The following RNF220 variants were observed in gnomAD, a reference collection of about 807,000 sequenced individuals.
RNF220 encodes ring finger protein 220, also known as E3 ubiquitin-protein ligase RNF220.
RNF220 carries 7 observed loss-of-function variants against 67.1 expected under a neutral mutation model. The ratio of observed to expected loss-of-function variants is 0.10; its 90% CI spans 0.06 to 0.20. RNF220 has a LOEUF of 0.20. Ranked by LOEUF, RNF220 falls within the 10% of genes least tolerant of loss-of-function variation. The pLI, the probability that RNF220 is intolerant of heterozygous loss-of-function variation, is 1.00. For synonymous variants in RNF220, 270 were observed against 283.2 expected (o/e 0.95, Z 0.47); for missense variants, 565 against 740.3 (o/e 0.76, Z 2.75).
chr1:44,583,679 A>G (rs374271509), intron 2 of RNF220, among the ~76,000 whole-genome samples: 3 of 152,366 alleles, frequency 2.0e-5, no homozygotes, highest in African/African-American at 7.2e-5. Flanking sequence ...ACTGGCTTAG[A>G]CTAGAGAGGC....
At chr1:44,563,695 A>G (rs1004945777) in intron 2 of RNF220, among the ~76,000 whole-genome samples, 2 of 152,210 alleles carry the variant, frequency 1.3e-5, no homozygotes, top group Non-Finnish European at 2.9e-5. Flanking sequence ...CTGTTTCACC[A>G]TCTACAAAAT....
At chr1:44,450,624 C>G (rs191808701) in intron 2 of RNF220, among the ~76,000 whole-genome samples, 169 of 152,202 alleles carry the variant, frequency 1.1e-3, no homozygotes, top group South Asian at 6.6e-3. Flanking sequence ...TCAATTTTTC[C>G]ATGTCAGTAC....
intron 2 of RNF220, among the ~76,000 whole-genome samples, chr1:44,489,720 G>A (rs543912143): frequency 6.6e-6 from 1 of 152,246 alleles, no homozygotes; most frequent in Non-Finnish European, 1.5e-5. Context: ...AATCATTGAG[G>A]CCAGGGAGAA....
rs1226138812 is a variant in RNF220 at position 44,649,795 on chromosome 1, C to T, written c.1554+26C>T. 8.1e-6 allele frequency: 13 copies of T among 1,613,440 alleles called. No individual in the cohort carries two copies. Among genetic ancestry groups the T allele is most frequent in the Non-Finnish European group, 1.0e-5 (12 of 1,179,470 alleles). On this transcript the variant is annotated intron_variant, in intron 13 of 14. Coordinates refer to ENST00000361799, the MANE Select transcript of RNF220 (RefSeq NM_018150.4). This position sits in a 1 kb window ranked among gnomAD's most constrained non-coding sequence, Gnocchi z 5.9. ...GTGAGTAGAAAAGAACCTAGGGGTGCCCTTGGTCAGGCTTCCACGCCCTCT... is the reference window on the plus strand; with the variant it reads ...GTGAGTAGAAAAGAACCTAGGGGTGTCCTTGGTCAGGCTTCCACGCCCTCT...
At chr1:44,423,768 C>G in intron 2 of RNF220, 1 of 900,982 alleles carries the variant, frequency 1.1e-6, no homozygotes, top group Non-Finnish European at 1.3e-6. Flanking sequence ...CCACATAGCA[C>G]CCGGGATTCT....
Position 44,586,460 on chromosome 1 carries a change from G to A in RNF220, c.626-27705G>A, listed in dbSNP as rs1213210221. ...GTGTGGAAAGGAGGACAGGAGCGCT[G>A]AGGAAGAGCCCCAGATGCCTGAGGA... On this transcript the variant is annotated intron_variant, in intron 2 of 14. Coordinates refer to ENST00000361799, the MANE Select transcript of RNF220 (RefSeq NM_018150.4). 2.6e-5 allele frequency among the ~76,000 whole-genome samples: 4 copies of A among 152,196 alleles called. No homozygotes were observed. The East Asian group carries it at 7.7e-4, about 29-fold the overall frequency.
intron 2 of RNF220, among the ~76,000 whole-genome samples, chr1:44,546,562 A>G (rs1050118640): frequency 3.9e-5 from 6 of 152,166 alleles, no homozygotes; most frequent in African/African-American, 1.2e-4. Context: ...TGAATTTTCC[A>G]TGAAATGTTG....
intron 3 of RNF220, among the ~76,000 whole-genome samples, chr1:44,614,832 G>A (rs1275487360): frequency 6.6e-6 from 1 of 152,160 alleles, no homozygotes; most frequent in African/African-American, 2.4e-5. Flanking sequence ...CTCCTCAAGG[G>A]CCTGGTGGAG....
chr1:44,532,694 T>G (rs370248871), intron 2 of RNF220, among the ~76,000 whole-genome samples: 1 of 152,220 alleles, frequency 6.6e-6, no homozygotes, highest in Admixed American at 6.5e-5. Flanking sequence ...ACAGTAGGAC[T>G]TGAGTGCTTG....
chr1:44,521,209 T>A (rs74769525), intron 2 of RNF220, among the ~76,000 whole-genome samples: 2,205 of 152,254 alleles, frequency 0.014, 48 homozygotes, highest in African/African-American at 0.05. Flanking sequence ...ATTTAATAAA[T>A]GTGAATTCCT....
At chr1:44,588,356 C>CACCA (rs1229275981) in intron 2 of RNF220, among the ~76,000 whole-genome samples, 1 of 152,208 alleles carries the variant, frequency 6.6e-6, no homozygotes, top group Non-Finnish European at 1.5e-5. Flanking sequence ...GCATCCCGGG[C>CACCA]ACCAGCACGG....
intron 2 of RNF220, among the ~76,000 whole-genome samples, chr1:44,449,212 A>G (rs1652415975): frequency 6.6e-6 from 1 of 152,184 alleles, no homozygotes; most frequent in African/African-American, 2.4e-5. Flanking sequence ...GTGTGAGGAA[A>G]TATAGGTTTA....
chr1:44,463,737 T>C (rs1654010421), intron 2 of RNF220, among the ~76,000 whole-genome samples: 1 of 152,204 alleles, frequency 6.6e-6, no homozygotes, highest in Non-Finnish European at 1.5e-5. Flanking sequence ...CTGACCTCTT[T>C]CTTTGTTTTT....
intron 2 of RNF220, among the ~76,000 whole-genome samples, chr1:44,494,638 C>T (rs1261196807): frequency 4.6e-5 from 7 of 151,666 alleles, no homozygotes; most frequent in Non-Finnish European, 7.4e-5. Context: ...AATATGCCTC[C>T]ATTTGTGGAA....
chr1:44,610,270 T>C (rs749326005), intron 2 of RNF220, among the ~76,000 whole-genome samples: 14 of 152,208 alleles, frequency 9.2e-5, no homozygotes, highest in Non-Finnish European at 1.8e-4. Context: ...TTGTTGTCAG[T>C]CCCATTTCCT....
intron 2 of RNF220, among the ~76,000 whole-genome samples, chr1:44,461,090 C>T (rs1169649445): frequency 3.3e-5 from 5 of 152,150 alleles, no homozygotes; most frequent in African/African-American, 9.7e-5. Context: ...GGGGCAGGGA[C>T]GGTATTCATT....
chr1:44,500,246 T>C (rs1572691362), intron 2 of RNF220, among the ~76,000 whole-genome samples: 1 of 152,138 alleles, frequency 6.6e-6, no homozygotes, highest in Non-Finnish European at 1.5e-5. Flanking sequence ...TGCCCTTGGG[T>C]CTCCACCTTA....
At chr1:44,609,361 A>T (rs1380252104) in intron 2 of RNF220, among the ~76,000 whole-genome samples, 1 of 152,200 alleles carries the variant, frequency 6.6e-6, no homozygotes, top group African/African-American at 2.4e-5. Flanking sequence ...TTGCTTGGAC[A>T]AGCAGAGGCG....
intron 2 of RNF220, among the ~76,000 whole-genome samples, chr1:44,566,046 C>T (rs150740639): frequency 1.3e-5 from 2 of 152,316 alleles, no homozygotes; most frequent in East Asian, 3.9e-4. Flanking sequence ...GCTGATGGCT[C>T]CCTAAGTGGA....
Sources: allele counts gnomAD v4.1 joint callset (sites outside exome capture counted in the v4.1 genomes callset), GRCh38; gene constraint gnomAD v4.1.1; non-coding constraint Gnocchi (gnomAD v3.1); transcripts MANE v1.5; gene names NCBI Gene and HGNC (gene_info 2026-07-23, HGNC 2026-07-21).